The following TSHZ2 variants were observed in gnomAD, a reference collection of about 807,000 sequenced individuals.
TSHZ2 encodes teashirt homolog 2.
A neutral mutation model predicts 74.4 loss-of-function variants in TSHZ2; 21 were observed. That is an observed-to-expected ratio of 0.28 (90% CI 0.20 to 0.41). The LOEUF (loss-of-function observed/expected upper bound fraction) is 0.41, where lower values mean the gene tolerates loss of function less well. Ranked by LOEUF, TSHZ2 falls within the 10% of genes least tolerant of loss-of-function variation. The pLI, the probability that TSHZ2 is intolerant of heterozygous loss-of-function variation, is 1.00. For synonymous variants in TSHZ2, 540 were observed against 515.3 expected, an observed-to-expected ratio of 1.05 and a Z score of -0.65; for missense variants, 1,244 against 1,293.5, an observed-to-expected ratio of 0.96 and a Z score of 0.59.
chr20:52,985,995 A>C (rs1981739777), intron 1 of TSHZ2, among the ~76,000 whole-genome samples: 1 of 152,178 alleles, frequency 6.6e-6, no homozygotes, highest in African/African-American at 2.4e-5. Context: ...AGTCAAGAGA[A>C]AGTCTTTGAT....
At chr20:53,358,023 A>C (rs1451432724) in intron 2 of TSHZ2, among the ~76,000 whole-genome samples, 1 of 152,218 alleles carries the variant, frequency 6.6e-6, no homozygotes, top group African/African-American at 2.4e-5. Flanking sequence ...CTATTCCTGG[A>C]AAGAACCAGG....
intron 2 of TSHZ2, among the ~76,000 whole-genome samples, chr20:53,320,637 A>T (rs2145521020): frequency 6.6e-6 from 1 of 152,348 alleles, no homozygotes; most frequent in Non-Finnish European, 1.5e-5. Context: ...CTTTGCAGAA[A>T]GGGGAGATAA....
At position 53,368,970 on chromosome 20, in the gene TSHZ2, A is replaced by G. The variant is rs902265355; in HGVS notation, c.*8+112399A>G. On this transcript the variant is annotated intron_variant, in intron 2 of 2. Coordinates refer to ENST00000371497, the MANE Select transcript of TSHZ2 (RefSeq NM_173485.6). ...AAGAGCCTGCATGAGGGCATAAAGG[A>G]TTCAGTAGAGGCCTAGCATCGTGGC... is the stretch of plus-strand genomic sequence containing the variant. 2.0e-5 allele frequency among the ~76,000 whole-genome samples: 3 copies of G among 152,202 alleles called. No homozygotes were observed. The East Asian group carries it at 5.8e-4, about 29-fold the overall frequency.
intron 2 of TSHZ2, among the ~76,000 whole-genome samples, chr20:53,361,419 C>T (rs1981049450): frequency 6.6e-6 from 1 of 152,224 alleles, no homozygotes; most frequent in Non-Finnish European, 1.5e-5. Context: ...GAGGCTTCTC[C>T]AACATTCCTC....
At chr20:53,109,639 G>A (rs1462115265) in intron 1 of TSHZ2, among the ~76,000 whole-genome samples, 1 of 152,188 alleles carries the variant, frequency 6.6e-6, no homozygotes, top group Non-Finnish European at 1.5e-5. Context: ...TTGCAGTGTT[G>A]CAATGGAGTT....
chr20:53,243,060 G>A (rs946104657), intron 1 of TSHZ2, among the ~76,000 whole-genome samples: 1 of 152,088 alleles, frequency 6.6e-6, no homozygotes, highest in Non-Finnish European at 1.5e-5. Flanking sequence ...TGGTAATTTC[G>A]GAGGAGTAAG....
At chr20:53,085,312 C>T (rs1985663950) in intron 1 of TSHZ2, among the ~76,000 whole-genome samples, 1 of 151,960 alleles carries the variant, frequency 6.6e-6, no homozygotes, top group Non-Finnish European at 1.5e-5. Context: ...TCGCAGTGAG[C>T]CAAGATCGCG....
chr20:53,292,255 A>G (rs169272), intron 2 of TSHZ2, among the ~76,000 whole-genome samples: 94,224 of 151,878 alleles, frequency 0.62, 29,349 homozygotes, highest in Middle Eastern at 0.7. Context: ...TTACAGGGGT[A>G]GAGAGTTAAT....
chr20:53,286,886 TACACACAC>T (rs71194467), intron 2 of TSHZ2, among the ~76,000 whole-genome samples: 1,915 of 139,516 alleles, frequency 0.014, 18 homozygotes, highest in Middle Eastern at 0.025. Flanking sequence ...GTCTCAAAAA[TACACACAC>T]ACACACACAC....
chr20:53,421,212 T>C (rs1207530743), intron 2 of TSHZ2: 1 of 153,582 alleles, frequency 6.5e-6, no homozygotes, highest in Non-Finnish European at 1.5e-5. Flanking sequence ...AGCCCTACCA[T>C]GTTCAATATC....
At chr20:53,379,120 G>T (rs1269897899) in intron 2 of TSHZ2, among the ~76,000 whole-genome samples, 3 of 152,214 alleles carry the variant, frequency 2.0e-5, no homozygotes, top group Non-Finnish European at 2.9e-5. Context: ...GGTGGCACAT[G>T]CCTGTAATCC....
intron 2 of TSHZ2, among the ~76,000 whole-genome samples, chr20:53,437,071 C>G (rs1984112058): frequency 6.6e-6 from 1 of 152,208 alleles, no homozygotes; most frequent in African/African-American, 2.4e-5. Context: ...AGTATGCCCT[C>G]CTCTGGGCAC....
chr20:53,380,758 C>T (rs577080415), intron 2 of TSHZ2, among the ~76,000 whole-genome samples: 4 of 152,322 alleles, frequency 2.6e-5, no homozygotes, highest in Admixed American at 2.6e-4. Context: ...AGCAGGTGAA[C>T]ACTCTTCTGC....
intron 1 of TSHZ2, among the ~76,000 whole-genome samples, chr20:53,066,671 C>G (rs1333890126): frequency 6.6e-6 from 1 of 152,118 alleles, no homozygotes; most frequent in African/African-American, 2.4e-5. Context: ...CAACACCCTG[C>G]TAATTTTTGT....
At chr20:53,031,353 C>T (rs560580195) in intron 1 of TSHZ2, among the ~76,000 whole-genome samples, 11 of 152,122 alleles carry the variant, frequency 7.2e-5, no homozygotes, top group Non-Finnish European at 1.2e-4. Context: ...TTATAGGAGG[C>T]CTCCTCTGTC....
At chr20:53,310,588 C>A (rs936893316) in intron 2 of TSHZ2, among the ~76,000 whole-genome samples, 1 of 152,222 alleles carries the variant, frequency 6.6e-6, no homozygotes, top group Non-Finnish European at 1.5e-5. Context: ...GAAAGACCCA[C>A]TTCCAAGCTC....
At chr20:53,020,815 A>G (rs1983215523) in intron 1 of TSHZ2, among the ~76,000 whole-genome samples, 1 of 152,226 alleles carries the variant, frequency 6.6e-6, no homozygotes, top group Admixed American at 6.5e-5. Context: ...TCTGTCTTCT[A>G]CCTGGAGAGA....
chr20:53,445,818 C>A (rs1984524183), intron 2 of TSHZ2, among the ~76,000 whole-genome samples: 1 of 152,210 alleles, frequency 6.6e-6, no homozygotes, highest in African/African-American at 2.4e-5. Context: ...ACCCAAAGAG[C>A]AACTTTGTTA....
chr20:52,994,473 A>ATGGATGG, intron 1 of TSHZ2, among the ~76,000 whole-genome samples: 1 of 110,284 alleles, frequency 9.1e-6, no homozygotes, highest in South Asian at 2.7e-4. Flanking sequence ...TGGATGGATG[A>ATGGATGG]ATAAATGAAT....
Sources: allele counts gnomAD v4.1 joint callset (sites outside exome capture counted in the v4.1 genomes callset), GRCh38; gene constraint gnomAD v4.1.1; transcripts MANE v1.5; gene names NCBI Gene and HGNC (gene_info 2026-07-23, HGNC 2026-07-21).